RBPJ: variants seen among roughly 807,000 people sequenced by gnomAD.
RBPJ encodes the protein recombining binding protein suppressor of hairless.
Under a neutral mutation model 67.8 loss-of-function variants are expected in RBPJ, and 9 were observed. That is an observed-to-expected ratio of 0.13 (90% confidence interval 0.08 to 0.23). RBPJ has a LOEUF of 0.23. RBPJ is among the 10% of genes least tolerant of loss of function. The probability of loss-of-function intolerance (pLI) is 1.00; values close to 1 mark genes in which losing one functional copy is unlikely to be tolerated. For synonymous variants in RBPJ, 198 were observed against 203.3 expected (o/e 0.97, Z 0.22); for missense variants, 305 against 595.6 (o/e 0.51, Z 5.08).
intron 1 of RBPJ, among the ~76,000 whole-genome samples, chr4:26,352,178 GT>G (rs1726878094): frequency 6.6e-6 from 1 of 152,124 alleles, no homozygotes; most frequent in South Asian, 2.1e-4. Context: ...ACAGAATACC[GT>G]AAACTAGGTA....
At chr4:26,210,732 T>TTTCCTTCTTTCC (rs1560212120) in intron 1 of RBPJ, among the ~76,000 whole-genome samples, 1 of 74,856 alleles carries the variant, frequency 1.3e-5, no homozygotes, top group African/African-American at 5.5e-5. Context: ...TCTTTCCTTC[T>TTTCCTTCTTTCC]TTACTTCTTT....
chr4:26,347,439 ATAG>A (rs1726280049), intron 1 of RBPJ, among the ~76,000 whole-genome samples: 1 of 152,240 alleles, frequency 6.6e-6, no homozygotes. Flanking sequence ...AAAAGCCTCA[ATAG>A]TAGAGCATTA....
chr4:26,352,785 C>T (rs1246168733), intron 1 of RBPJ, among the ~76,000 whole-genome samples: 6 of 152,218 alleles, frequency 3.9e-5, no homozygotes, highest in African/African-American at 1.4e-4. Flanking sequence ...ACTGAAGGTT[C>T]ATAGGGCTTG....
the RBPJ span, among the ~76,000 whole-genome samples, chr4:26,128,133 T>G: frequency 1.3e-5 from 2 of 152,202 alleles, no homozygotes; most frequent in African/African-American, 4.8e-5. Context: ...TAGGTGAGGC[T>G]CCCACTGATG....
In RBPJ at chr4:26,424,490, A is replaced by C; in HGVS notation, c.634+11A>C. ...TTTTTATTCATCTCTGTGAGTATAA[A>C]AGTGTGCATTTAATGTTTTTAGTGT... On this transcript the variant is annotated intron_variant, in intron 6 of 10. Coordinates refer to ENST00000355476, the MANE Select transcript of RBPJ (RefSeq NM_015874.6). The surrounding 1 kb of genome is among the most constrained non-coding windows in gnomAD (Gnocchi z 5.3). 6.2e-7 allele frequency: 1 copy of C among 1,612,634 alleles called. No homozygotes were observed. Among genetic ancestry groups the C allele is most frequent in the Non-Finnish European group, 8.5e-7 (1 of 1,179,448 alleles).
intron 1 of RBPJ, among the ~76,000 whole-genome samples, chr4:26,192,790 C>T (rs1717615549): frequency 6.6e-6 from 1 of 152,168 alleles, no homozygotes; most frequent in South Asian, 2.1e-4. Flanking sequence ...ATAATAAGCA[C>T]AATCACCATA....
chr4:26,275,080 T>C (rs1039615307), intron 1 of RBPJ, among the ~76,000 whole-genome samples: 3 of 152,142 alleles, frequency 2.0e-5, no homozygotes, highest in Non-Finnish European at 2.9e-5. Context: ...TCAACTAATA[T>C]TTGTAATAGA....
At chr4:26,136,676 A>G in the RBPJ span, among the ~76,000 whole-genome samples, 1 of 152,170 alleles carries the variant, frequency 6.6e-6, no homozygotes, top group African/African-American at 2.4e-5. Context: ...GCCCTTAGAA[A>G]CATCATGATC....
chr4:26,194,928 T>C (rs1012406071), intron 1 of RBPJ, among the ~76,000 whole-genome samples: 16 of 152,194 alleles, frequency 1.1e-4, no homozygotes, highest in Non-Finnish European at 2.2e-4. Context: ...CTACTAACCC[T>C]CTCTGCCCAG....
intron 1 of RBPJ, among the ~76,000 whole-genome samples, chr4:26,222,402 G>A (rs1349282774): frequency 6.6e-5 from 10 of 151,388 alleles, no homozygotes; most frequent in Non-Finnish European, 1.2e-4. Context: ...GGCTGAGGCA[G>A]GAGAATGGCT....
At chr4:26,421,783 T>C (rs1353471424) in intron 5 of RBPJ, among the ~76,000 whole-genome samples, 1 of 152,170 alleles carries the variant, frequency 6.6e-6, no homozygotes, top group African/African-American at 2.4e-5. Context: ...GACTAATACA[T>C]GCCCTTTTTT....
At chr4:26,234,254 G>T (rs558778128) in intron 1 of RBPJ, among the ~76,000 whole-genome samples, 1 of 152,148 alleles carries the variant, frequency 6.6e-6, no homozygotes, top group Non-Finnish European at 1.5e-5. Context: ...CCTAAAAAGG[G>T]CAATAGTGAG....
intron 1 of RBPJ, chr4:26,321,965 C>T (rs151077337): frequency 2.0e-5 from 3 of 152,228 alleles, no homozygotes; most frequent in African/African-American, 2.4e-5. Flanking sequence ...CTCCCGCCCC[C>T]CTATCGCCAC....
intron 1 of RBPJ, among the ~76,000 whole-genome samples, chr4:26,266,986 A>G (rs1191060776): frequency 2.6e-5 from 4 of 152,178 alleles, no homozygotes; most frequent in East Asian, 3.8e-4. Context: ...CTTCTCTTCT[A>G]TAACATTAAC....
the RBPJ span, among the ~76,000 whole-genome samples, chr4:26,138,885 G>T: frequency 6.6e-6 from 1 of 152,218 alleles, no homozygotes; most frequent in Non-Finnish European, 1.5e-5. Flanking sequence ...GAAGAGCAAG[G>T]CTTAGGGGTT....
intron 1 of RBPJ, among the ~76,000 whole-genome samples, chr4:26,366,631 A>T (rs1020410169): frequency 6.6e-6 from 1 of 152,028 alleles, no homozygotes; most frequent in Non-Finnish European, 1.5e-5. Flanking sequence ...CGTGTTAGCC[A>T]GGATGGCCTC....
At chr4:26,187,235 C>T (rs770458138) in intron 1 of RBPJ, among the ~76,000 whole-genome samples, 4 of 152,076 alleles carry the variant, frequency 2.6e-5, no homozygotes, top group African/African-American at 4.8e-5. Context: ...AAAACAAAAA[C>T]GAAAACAAAA....
chr4:26,228,061 G>A (rs938371123), intron 1 of RBPJ, among the ~76,000 whole-genome samples: 1 of 152,184 alleles, frequency 6.6e-6, no homozygotes, highest in Non-Finnish European at 1.5e-5. Context: ...GGAACACATG[G>A]CCTCAGCCCT....
chr4:26,320,651 GA>G, upstream of RBPJ: 1 of 1,376,192 alleles, frequency 7.3e-7, no homozygotes, highest in Non-Finnish European at 9.8e-7. Flanking sequence ...CCCGCCTCCT[GA>G]CCCCTCCATT....
Sources: allele counts gnomAD v4.1 joint callset (sites outside exome capture counted in the v4.1 genomes callset), GRCh38; gene constraint gnomAD v4.1.1; non-coding constraint Gnocchi (gnomAD v3.1); transcripts MANE v1.5; gene names NCBI Gene and HGNC (gene_info 2026-07-23, HGNC 2026-07-21).